The following AGBL4 variants were observed in gnomAD, a reference collection of about 807,000 sequenced individuals.
AGBL4 encodes the protein AGBL carboxypeptidase 4, also known as cytosolic carboxypeptidase 6.
AGBL4 carries 58 observed loss-of-function variants against 66.4 expected under a neutral mutation model. The ratio of observed to expected loss-of-function variants is 0.87; its 90% CI spans 0.71 to 1.09. AGBL4 has a LOEUF of 1.09. AGBL4 is among the 50% of genes least tolerant of loss of function. The pLI, the probability that AGBL4 is intolerant of heterozygous loss-of-function variation, is 0.00. For missense variants in AGBL4, 579 were observed against 631.0 expected (o/e 0.92, Z 0.88); for synonymous variants, 234 against 222.9 (o/e 1.05, Z -0.44).
chr1:49,361,577 C>T (rs1055649791), intron 3 of AGBL4, among the ~76,000 whole-genome samples: 5 of 152,164 alleles, frequency 3.3e-5, no homozygotes, highest in Admixed American at 6.5e-5. Context: ...CCACCTGCCT[C>T]GGCCTCCCAA....
intron 6 of AGBL4, among the ~76,000 whole-genome samples, chr1:48,767,356 C>T (rs1412702612): frequency 1.3e-5 from 2 of 152,182 alleles, no homozygotes; most frequent in Non-Finnish European, 2.9e-5. Context: ...TGTTAGGCTA[C>T]CCTTGTGTAT....
chr1:48,801,806 G>T (rs1645815618), intron 6 of AGBL4, among the ~76,000 whole-genome samples: 1 of 152,080 alleles, frequency 6.6e-6, no homozygotes, highest in South Asian at 2.1e-4. Flanking sequence ...TGGAGCAAAA[G>T]TTCACAGTGT....
At chr1:48,833,154 A>C (rs1646594590) in intron 6 of AGBL4, among the ~76,000 whole-genome samples, 1 of 152,170 alleles carries the variant, frequency 6.6e-6, no homozygotes, top group Non-Finnish European at 1.5e-5. Flanking sequence ...ATGCTGAAAC[A>C]CATAGCATGG....
At chr1:48,993,420 A>G (rs2148981321) in intron 5 of AGBL4, among the ~76,000 whole-genome samples, 1 of 152,068 alleles carries the variant, frequency 6.6e-6, no homozygotes. Flanking sequence ...TCTGTGTTGG[A>G]GCTGTGAGAT....
chr1:49,444,049 C>T (rs567095532), intron 3 of AGBL4, among the ~76,000 whole-genome samples: 200 of 151,834 alleles, frequency 1.3e-3, no homozygotes, highest in Non-Finnish European at 2.6e-3. Context: ...GGTGTAATTT[C>T]CATGTATTTA....
chr1:49,600,659 T>C (rs1471234832), intron 3 of AGBL4, among the ~76,000 whole-genome samples: 3 of 152,324 alleles, frequency 2.0e-5, no homozygotes, highest in African/African-American at 4.8e-5. Flanking sequence ...CTTATGATGC[T>C]AGCTGGTTAT....
At chr1:48,722,246 T>C (rs576344625) in intron 6 of AGBL4, among the ~76,000 whole-genome samples, 20 of 152,146 alleles carry the variant, frequency 1.3e-4, no homozygotes, top group Admixed American at 1.2e-3. Context: ...ACCAGTAAGA[T>C]GAAATGGAAC....
chr1:49,793,113 CTGA>C (rs1271004651), intron 2 of AGBL4, among the ~76,000 whole-genome samples: 3 of 151,942 alleles, frequency 2.0e-5, no homozygotes, highest in Admixed American at 1.3e-4. Flanking sequence ...TCTTCATCAC[CTGA>C]TATTTAAATA....
At chr1:49,842,464 C>T (rs545804893) in intron 2 of AGBL4, 4 of 932,630 alleles carry the variant, frequency 4.3e-6, no homozygotes, top group East Asian at 2.0e-4. Flanking sequence ...CATGTGCTCT[C>T]TAATTCTTCA....
intron 4 of AGBL4, among the ~76,000 whole-genome samples, chr1:49,148,240 T>C (rs865815068): frequency 2.6e-5 from 4 of 152,224 alleles, no homozygotes; most frequent in African/African-American, 4.8e-5. Flanking sequence ...TTATTATTAC[T>C]ATCTATCCCT....
intron 1 of AGBL4, among the ~76,000 whole-genome samples, chr1:49,868,989 T>C (rs1482781156): frequency 2.0e-5 from 3 of 152,006 alleles, no homozygotes; most frequent in African/African-American, 7.2e-5. Context: ...CCAACAAATA[T>C]GTGGAAAAAA....
At chr1:48,702,766 C>T (rs2148508035) in intron 6 of AGBL4, among the ~76,000 whole-genome samples, 1 of 152,240 alleles carries the variant, frequency 6.6e-6, no homozygotes, top group South Asian at 2.1e-4. Context: ...GAAGGAGGGT[C>T]TTTTAGGTAC....
intron 5 of AGBL4, among the ~76,000 whole-genome samples, chr1:48,924,692 A>C (rs1654382193): frequency 1.3e-5 from 2 of 152,066 alleles, no homozygotes; most frequent in South Asian, 4.2e-4. Flanking sequence ...TACATATCCA[A>C]CTGTAGTATA....
intron 1 of AGBL4, among the ~76,000 whole-genome samples, chr1:49,937,101 T>C (rs1013460927): frequency 2.0e-5 from 3 of 152,160 alleles, no homozygotes; most frequent in South Asian, 2.1e-4. Context: ...ACCCATCTCA[T>C]GTGCAGAGAC....
At chr1:49,550,925 G>A (rs1205295467) in intron 3 of AGBL4, among the ~76,000 whole-genome samples, 4 of 151,966 alleles carry the variant, frequency 2.6e-5, no homozygotes, top group Non-Finnish European at 2.9e-5. Context: ...TTCTCCCTAG[G>A]AACACCAATT....
intron 1 of AGBL4, among the ~76,000 whole-genome samples, chr1:49,905,215 T>C (rs892296712): frequency 6.6e-6 from 1 of 152,202 alleles, no homozygotes; most frequent in African/African-American, 2.4e-5. Flanking sequence ...CAAATTTGCC[T>C]TTTGTTTAAC....
At chr1:48,969,149 C>G (rs919705604) in intron 5 of AGBL4, among the ~76,000 whole-genome samples, 1 of 138,804 alleles carries the variant, frequency 7.2e-6, no homozygotes, top group Non-Finnish European at 1.6e-5. Flanking sequence ...TTTTCAAACT[C>G]TCTCTTTCAT....
chr1:48,670,530 T>G (rs1258809181), intron 6 of AGBL4, among the ~76,000 whole-genome samples: 1 of 152,240 alleles, frequency 6.6e-6, no homozygotes, highest in African/African-American at 2.4e-5. Context: ...TTGGGCCAAC[T>G]AAGATGTTGT....
chr1:49,679,174 C>T (rs1489344545), intron 3 of AGBL4, among the ~76,000 whole-genome samples: 1 of 152,066 alleles, frequency 6.6e-6, no homozygotes, highest in African/African-American at 2.4e-5. Context: ...TGTATTTCCT[C>T]AATCAGTTTT....
Sources: allele counts gnomAD v4.1 joint callset (sites outside exome capture counted in the v4.1 genomes callset), GRCh38; gene constraint gnomAD v4.1.1; transcripts MANE v1.5; gene names NCBI Gene and HGNC (gene_info 2026-07-23, HGNC 2026-07-21).